The following TANC2 variants were observed in gnomAD, a reference collection of about 807,000 sequenced individuals.
The protein encoded by TANC2 is tetratricopeptide repeat, ankyrin repeat and coiled-coil containing 2.
In TANC2, 26 loss-of-function variants were observed where a neutral mutation model predicts 210.5. The observed-to-expected ratio is 0.12, with a 90% CI of 0.09 to 0.17. The LOEUF is 0.17. Among genes scored for constraint, TANC2 ranks in the 10% least tolerant of loss-of-function variants. TANC2 has a pLI of 1.00. For missense variants in TANC2, 2,129 were observed against 2,608.9 expected (o/e 0.82, Z 4.01); for synonymous variants, 931 against 967.1 (o/e 0.96, Z 0.69).
At chr17:63,049,384 G>A (rs2035496066) in intron 2 of TANC2, among the ~76,000 whole-genome samples, 1 of 152,116 alleles carries the variant, frequency 6.6e-6, no homozygotes, top group South Asian at 2.1e-4. Context: ...TGGTGGTGGG[G>A]TACCATTTTA....
intron 8 of TANC2, among the ~76,000 whole-genome samples, chr17:63,259,528 T>C (rs978303558): frequency 6.6e-6 from 1 of 152,222 alleles, no homozygotes; most frequent in Non-Finnish European, 1.5e-5. Flanking sequence ...CCTTCCCTCG[T>C]AGGCTTTTTT....
At chr17:63,142,304 A>T (rs1221523561) in intron 4 of TANC2, among the ~76,000 whole-genome samples, 1 of 152,164 alleles carries the variant, frequency 6.6e-6, no homozygotes, top group African/African-American at 2.4e-5. Context: ...AGATTTTTCC[A>T]TGTCTTAATG....
intron 5 of TANC2, among the ~76,000 whole-genome samples, chr17:63,167,347 T>C (rs935669246): frequency 2.6e-5 from 4 of 152,214 alleles, no homozygotes; most frequent in African/African-American, 9.6e-5. Flanking sequence ...AATTATATTG[T>C]ATGTTCTACA....
At chr17:63,345,290 A>G (rs536064977) in intron 12 of TANC2, among the ~76,000 whole-genome samples, 1 of 152,324 alleles carries the variant, frequency 6.6e-6, no homozygotes, top group East Asian at 1.9e-4. Flanking sequence ...TGAGGATTGG[A>G]AGATGTCAGT....
intron 1 of TANC2, among the ~76,000 whole-genome samples, chr17:62,971,796 C>G (rs1421721403): frequency 6.6e-6 from 1 of 152,180 alleles, no homozygotes; most frequent in Non-Finnish European, 1.5e-5. Context: ...GGAGCTTGAA[C>G]CCTATTGTGA....
chr17:63,242,856 T>C (rs756654503), intron 8 of TANC2, among the ~76,000 whole-genome samples: 7 of 152,144 alleles, frequency 4.6e-5, no homozygotes, highest in Non-Finnish European at 1.0e-4. Flanking sequence ...AAAATAATTA[T>C]TCTATTTGAA....
At chr17:63,275,134 A>G (rs535354127) in intron 9 of TANC2, among the ~76,000 whole-genome samples, 38 of 152,204 alleles carry the variant, frequency 2.5e-4, no homozygotes, top group Non-Finnish European at 4.1e-4. Flanking sequence ...ACAACAAATT[A>G]TTAATATTGA....
At chr17:62,981,968 CAT>C (rs2032325864) in intron 1 of TANC2, among the ~76,000 whole-genome samples, 1 of 152,174 alleles carries the variant, frequency 6.6e-6, no homozygotes, top group African/African-American at 2.4e-5. Flanking sequence ...GGCACAAAGA[CAT>C]GTAGCAAATC....
At chr17:63,069,218 T>G (rs921319467) in intron 2 of TANC2, among the ~76,000 whole-genome samples, 4 of 152,196 alleles carry the variant, frequency 2.6e-5, no homozygotes, top group African/African-American at 7.2e-5. Flanking sequence ...ATGATTGTTA[T>G]GAACATTTAC....
chr17:63,150,551 A>G (rs964853199), intron 4 of TANC2: 2 of 152,226 alleles, frequency 1.3e-5, no homozygotes, highest in Middle Eastern at 3.2e-3. Flanking sequence ...AATATTCCAT[A>G]GGCATCATGA....
At chr17:63,362,241 A>G (rs2046984292) in intron 14 of TANC2, among the ~76,000 whole-genome samples, 1 of 152,192 alleles carries the variant, frequency 6.6e-6, no homozygotes, top group Non-Finnish European at 1.5e-5. Flanking sequence ...AGGTTGTCTC[A>G]TCTCTGTGAG....
chr17:63,202,396 A>T lies in TANC2; in HGVS notation c.769+1439A>T, dbSNP rs534931438. Among the ~76,000 whole-genome samples, 9 of 152,298 alleles carry T rather than the reference A, an allele frequency of 5.9e-5. No homozygotes were observed. The South Asian group carries it at 1.9e-3, about 32-fold the overall frequency. On this transcript the variant is annotated intron_variant, in intron 7 of 27. Coordinates refer to ENST00000689528, the Ensembl canonical transcript of TANC2. Reference sequence around the variant, plus strand: ...TATTCCTTTTCTACCTAACAACCAGATGATGACAGTGTCATAGCCTCCAGC... The same window carrying T: ...TATTCCTTTTCTACCTAACAACCAGTTGATGACAGTGTCATAGCCTCCAGC...
intron 18 of TANC2, 34 bp downstream of exon 18, chr17:63,395,962 C>G: frequency 6.4e-7 from 1 of 1,564,210 alleles, no homozygotes; most frequent in Non-Finnish European, 8.7e-7. Context: ...TTTTTTCAAG[C>G]TCTGTATTGA....
At chr17:63,096,613 T>C (rs1013333748) in intron 3 of TANC2, among the ~76,000 whole-genome samples, 1 of 152,240 alleles carries the variant, frequency 6.6e-6, no homozygotes, top group Non-Finnish European at 1.5e-5. Flanking sequence ...TACTTCATTG[T>C]ATAAATATGC....
At chr17:63,047,591 GT>G (rs2035431921) in intron 2 of TANC2, among the ~76,000 whole-genome samples, 1 of 152,080 alleles carries the variant, frequency 6.6e-6, no homozygotes, top group African/African-American at 2.4e-5. Context: ...TGAGTTTGAG[GT>G]ATATTTGAGA....
intron 1 of TANC2, among the ~76,000 whole-genome samples, chr17:62,975,895 TC>T (rs2031974607): frequency 6.6e-6 from 1 of 152,206 alleles, no homozygotes; most frequent in South Asian, 2.1e-4. Context: ...CCTAAATTTT[TC>T]TTTTTTGATA....
intron 11 of TANC2, among the ~76,000 whole-genome samples, chr17:63,339,678 T>A (rs2046161127): frequency 6.6e-6 from 1 of 152,230 alleles, no homozygotes; most frequent in East Asian, 1.9e-4. Context: ...TTGTTGAGAC[T>A]AACATGATTT....
chr17:63,278,367 G>GA (rs1178697360), intron 9 of TANC2, among the ~76,000 whole-genome samples: 2 of 152,084 alleles, frequency 1.3e-5, no homozygotes, highest in Non-Finnish European at 2.9e-5. Context: ...ATAGGTATAT[G>GA]AAAAAATGCT....
At chr17:63,193,080 G>T (rs1428660419) in intron 5 of TANC2, among the ~76,000 whole-genome samples, 1 of 152,102 alleles carries the variant, frequency 6.6e-6, no homozygotes, top group Non-Finnish European at 1.5e-5. Flanking sequence ...AATTTGAAGA[G>T]ACCAGTTTTG....
Sources: gnomAD v4.1 joint callset for allele counts (sites outside exome capture counted in the v4.1 genomes callset) on GRCh38, gnomAD v4.1.1 for gene constraint, MANE v1.5 for transcripts, NCBI Gene and HGNC (gene_info 2026-07-23, HGNC 2026-07-21) for gene names.